SLC25A27: variants seen among roughly 807,000 people sequenced by gnomAD.
SLC25A27 encodes mitochondrial uncoupling protein 4.
A neutral mutation model predicts 49.1 loss-of-function variants in SLC25A27; 35 were observed. The ratio of observed to expected loss-of-function variants is 0.71; its 90% CI spans 0.54 to 0.95. SLC25A27 has a LOEUF of 0.95. Ranked by LOEUF, SLC25A27 falls within the 40% of genes least tolerant of loss-of-function variation. SLC25A27 has a pLI of 0.00. For synonymous variants in SLC25A27, 144 were observed against 136.9 expected, an observed-to-expected ratio of 1.05 and a Z score of -0.36; for missense variants, 339 against 397.1, an observed-to-expected ratio of 0.85 and a Z score of 1.24.
At chr6:46,675,434 T>A (rs1165112651) in intron 8 of SLC25A27, among the ~76,000 whole-genome samples, 1 of 152,120 alleles carries the variant, frequency 6.6e-6, no homozygotes, top group African/African-American at 2.4e-5. Context: ...TACCTTTAAA[T>A]AACCAAGATA....
rs1159119838 is a variant in SLC25A27 at position 46,662,503 on chromosome 6, G to A, written c.506+5G>A. 1.2e-6 allele frequency: 2 copies of A among 1,613,360 alleles called. No homozygotes were observed. The highest frequency in any genetic ancestry group is 8.5e-7 in the Non-Finnish European group (1 of 1,179,774). On this transcript the variant is annotated splice_donor_5th_base_variant and intron_variant, in intron 4 of 8. Coordinates refer to ENST00000371347, the MANE Select transcript of SLC25A27 (RefSeq NM_004277.5). ...ACTGGAAGGAAAACCATTGCGGTAAGTTCTCCAATTAACCAATACCTCTCT... is the reference window on the plus strand; with the variant it reads ...ACTGGAAGGAAAACCATTGCGGTAAATTCTCCAATTAACCAATACCTCTCT...
In SLC25A27 at chr6:46,659,670, A is replaced by T. The variant is rs527460042; in HGVS notation, c.383+624A>T. ...GGAGTTCGAGACCAGCCTGGCCAAC[A>T]TGGCAAAACGCTGTCTCTACTAAAA... On this transcript the variant is annotated intron_variant, in intron 3 of 8. Transcript: ENST00000371347. Among the ~76,000 whole-genome samples, 3 of 152,174 alleles carry T rather than the reference A, an allele frequency of 2.0e-5. No individual in the cohort carries two copies. The South Asian group carries it at 6.2e-4, about 31-fold the overall frequency.
chr6:46,676,319 CACATATGT>C lies in SLC25A27; in HGVS notation c.901-62_901-55del, dbSNP rs777775480. 248 of 1,410,450 alleles carry C rather than the reference CACATATGT, an allele frequency of 1.8e-4. 2 individuals are homozygous for C. In the East Asian group the frequency reaches 5.6e-3, roughly 32 times the overall value. The allele number at this position is 1,410,450 out of a possible 1,614,324, so 87.4% of individuals were successfully genotyped here. A position where few individuals can be genotyped will look rare whatever the true frequency, so the allele number is the denominator to read the frequency against. ...ACTTTGTCATTCAAATATATGTATG[CACATATGT>C]AGACTATTTATAATTGCTTTGAAAT... On this transcript the variant is annotated intron_variant, in intron 8 of 8. Coordinates refer to ENST00000371347, the MANE Select transcript of SLC25A27 (RefSeq NM_004277.5).
chr6:46,673,775 G>C (rs576346148), intron 8 of SLC25A27, among the ~76,000 whole-genome samples: 14 of 152,272 alleles, frequency 9.2e-5, no homozygotes, highest in African/African-American at 2.9e-4. Context: ...GAACTCTATG[G>C]AGCACTTGCT....
chr6:46,658,818 T>C, intron 2 of SLC25A27, 144 bp from the exon 3 acceptor site: 1 of 682,530 alleles, frequency 1.5e-6, no homozygotes. Flanking sequence ...GAAGCCCACG[T>C]GTTAGAAGCA....
At chr6:46,656,173 T>A (rs1260822437) in intron 2 of SLC25A27, 139 bp downstream of exon 2, 1 of 603,472 alleles carries the variant, frequency 1.7e-6, no homozygotes. Flanking sequence ...ATAGTCTTTT[T>A]TTATTATTAT....
At chr6:46,653,393 C>A in intron 1 of SLC25A27, 95 bp downstream of exon 1, 1 of 1,460,790 alleles carries the variant, frequency 6.8e-7, no homozygotes, top group Non-Finnish European at 9.0e-7. Flanking sequence ...CAGTGCGCAT[C>A]GGAGAGGTCG....
At chr6:46,656,229 G>C (rs1762974784) in intron 2 of SLC25A27, among the ~76,000 whole-genome samples, 195 bp downstream of exon 2, 1 of 151,716 alleles carries the variant, frequency 6.6e-6, no homozygotes, top group Non-Finnish European at 1.5e-5. Context: ...CGCCCAGGCT[G>C]TAGTGCAGTG....
intron 2 of SLC25A27, 79 bp downstream of exon 2, chr6:46,656,113 C>T: frequency 8.0e-7 from 1 of 1,257,706 alleles, no homozygotes; most frequent in Non-Finnish European, 1.1e-6. Context: ...TGTCCAAAAA[C>T]AAGTTAGTTT....
At chr6:46,660,566 AT>A (rs1354583763) in intron 3 of SLC25A27, among the ~76,000 whole-genome samples, 1 of 152,130 alleles carries the variant, frequency 6.6e-6, no homozygotes, top group Non-Finnish European at 1.5e-5. Flanking sequence ...ATAGAAAATT[AT>A]TTTTTTAATT....
chr6:46,654,505 C>G (rs972128010), intron 1 of SLC25A27, among the ~76,000 whole-genome samples: 1 of 152,026 alleles, frequency 6.6e-6, no homozygotes, highest in African/African-American at 2.4e-5. Context: ...TGATGTGTCC[C>G]CCTCTGACTC....
At chr6:46,653,623 C>T (rs1582490784) in intron 1 of SLC25A27, 1 of 985,350 alleles carries the variant, frequency 1.0e-6, no homozygotes, top group Non-Finnish European at 1.2e-6. Flanking sequence ...TTTTTAAAAA[C>T]GTAATCTGTT....
chr6:46,664,237 A>G lies in SLC25A27; in HGVS notation c.507-537A>G, dbSNP rs572766005. Among the ~76,000 whole-genome samples, 4 of 152,362 alleles carry G rather than the reference A, an allele frequency of 2.6e-5. No individual in the cohort carries two copies. The East Asian group carries it at 7.7e-4, about 29-fold the overall frequency. On this transcript the variant is annotated intron_variant, in intron 4 of 8. Transcript: ENST00000371347. ...CCATTCTTCATCTATCTATAGAGAA[A>G]TGAGCAAGATAAAGATAGTCTACTA...
chr6:46,676,679 G>A lies in SLC25A27; in HGVS notation c.*225G>A. ...GTCGGATCTCACAAGGCCATCCAAT[G>A]AGACCCCGCACAGCATTTTCTAAAG... On this transcript the variant is annotated 3_prime_UTR_variant, in exon 9 of 9. Coordinates refer to ENST00000371347, the MANE Select transcript of SLC25A27 (RefSeq NM_004277.5). The A allele has an allele frequency of 6.4e-7, 1 of 1,550,634 alleles. No homozygotes were observed. Among genetic ancestry groups the A allele is most frequent in the Non-Finnish European group, 8.7e-7 (1 of 1,146,914 alleles).
rs1310704988 is a variant in SLC25A27 at position 46,655,680 on chromosome 6, G to A, written c.107-163G>A. On this transcript the variant is annotated intron_variant, in intron 1 of 8. Coordinates refer to ENST00000371347, the MANE Select transcript of SLC25A27 (RefSeq NM_004277.5). The stretch of plus-strand genomic sequence containing the variant: ...CTACTGAATTAGAATCCATGGGCAC[G>A]GGGCTAGGAAATTTCTAATTTTTAA... 3.3e-5 allele frequency among the ~76,000 whole-genome samples: 5 copies of A among 151,150 alleles called. No homozygotes were observed. The East Asian group carries it at 5.9e-4, about 18-fold the overall frequency.
intron 4 of SLC25A27, 30 bp from the exon 5 acceptor site, chr6:46,664,744 G>T (rs770989595): frequency 7.6e-7 from 1 of 1,322,100 alleles, no homozygotes; most frequent in South Asian, 1.3e-5. Flanking sequence ...AATACATGGA[G>T]TTTTCACATT....
At chr6:46,656,808 A>T (rs1001930805) in intron 2 of SLC25A27, among the ~76,000 whole-genome samples, 5 of 152,240 alleles carry the variant, frequency 3.3e-5, no homozygotes, top group Non-Finnish European at 5.9e-5. Flanking sequence ...ACGCATACTC[A>T]CGTATTTAGG....
intron 1 of SLC25A27, chr6:46,653,967 A>G (rs1762873021): frequency 3.0e-6 from 2 of 675,902 alleles, no homozygotes; most frequent in Admixed American, 1.3e-4. Flanking sequence ...GGAGACAGAG[A>G]AAGACAATTA....
chr6:46,665,220 A>G (rs1763282520), intron 5 of SLC25A27, among the ~76,000 whole-genome samples: 1 of 152,168 alleles, frequency 6.6e-6, no homozygotes, highest in Non-Finnish European at 1.5e-5. Context: ...GATCATTATT[A>G]TATCCAGACT....
Sources: allele counts gnomAD v4.1 joint callset (sites outside exome capture counted in the v4.1 genomes callset), GRCh38; gene constraint gnomAD v4.1.1; transcripts MANE v1.5; gene names NCBI Gene and HGNC (gene_info 2026-07-23, HGNC 2026-07-21).